USP6: variants seen among roughly 807,000 people sequenced by gnomAD.
USP6 encodes ubiquitin specific peptidase 6.
In USP6, 128 loss-of-function variants were observed where a neutral mutation model predicts 175.7. The ratio of observed to expected loss-of-function variants is 0.73; its 90% CI spans 0.63 to 0.84. The LOEUF (loss-of-function observed/expected upper bound fraction) is 0.84. Among genes scored for constraint, USP6 ranks in the 40% least tolerant of loss-of-function variants. USP6 has a pLI of 0.00. For synonymous variants in USP6, 562 were observed against 630.6 expected (o/e 0.89, Z 1.63); for missense variants, 1,498 against 1,760.3 (o/e 0.85, Z 2.67).
chr17:5,161,409 C>T, intron 31 of USP6, 119 bp from the exon 32 acceptor site: 2 of 982,852 alleles, frequency 2.0e-6, no homozygotes, highest in South Asian at 1.5e-5. Context: ...GAGCTGTCAA[C>T]ATGAGCATAC....
At chr17:5,172,663 C>T (rs187120175) in intron 37 of USP6, 142 bp from the exon 38 acceptor site, 9 of 1,083,320 alleles carry the variant, frequency 8.3e-6, no homozygotes, top group Non-Finnish European at 9.2e-6. Context: ...TTTAAAGGGG[C>T]AGGTGTGAGA....
At chr17:5,130,832 C>G in intron 11 of USP6, 148 bp downstream of exon 11, 4 of 1,200,968 alleles carry the variant, frequency 3.3e-6, no homozygotes, top group Non-Finnish European at 4.8e-6. Flanking sequence ...CTCCCTGGCT[C>G]CCCTGCAGGT....
chr17:5,136,128 A>G (rs1366032340), intron 17 of USP6, among the ~76,000 whole-genome samples, 200 bp downstream of exon 17: 2 of 152,122 alleles, frequency 1.3e-5, no homozygotes, highest in Non-Finnish European at 2.9e-5. Context: ...CATCCCCATC[A>G]GCAGAGGGCA....
Position 5,170,675 on chromosome 17 carries a change from G to C in USP6, c.3714G>C (p.Glu1238Asp), listed in dbSNP as rs1355710013. The change falls in exon 36 of 38, where the codon GAG (glutamate) becomes GAC (aspartate). Residue 1238 changes from glutamate to aspartate, a missense_variant. Physicochemically the swap from Glu to Asp is conservative, Grantham distance 45 (BLOSUM62 2). Transcript: ENST00000574788. ...SKENGAGQIC[E>D]LADALSRGHM... ...AGAATGGGGCTGGGCAGATCTGTGA[G>C]CTGGCTGACGCCTTGAGCCGAGGGC... 8.7e-6 allele frequency: 14 copies of C among 1,613,980 alleles called. No homozygotes were observed. The highest frequency in any genetic ancestry group is 1.1e-5 in the Non-Finnish European group (13 of 1,179,880).
At chr17:5,140,814 G>T (rs2073423840) in intron 22 of USP6, among the ~76,000 whole-genome samples, 1 of 152,158 alleles carries the variant, frequency 6.6e-6, no homozygotes, top group African/African-American at 2.4e-5. Flanking sequence ...ATACACAAGG[G>T]TAGACCTGTG....
At chr17:5,137,872 C>T in intron 20 of USP6, 122 bp downstream of exon 20, 2 of 1,574,070 alleles carry the variant, frequency 1.3e-6, no homozygotes, top group South Asian at 1.1e-5. Context: ...GAGGTCTGGC[C>T]AGGTGGGCTG....
Position 5,125,882 on chromosome 17 carries a change from TCTC to T in USP6, c.-527_-525del, listed in dbSNP as rs2072880884. On this transcript the variant is annotated 5_prime_UTR_variant, in exon 6 of 38. Transcript: ENST00000574788. ...CTTCCGCCTCCTGGGTTCAAGCAAT[TCTC>T]CTGCCTCAGCCTCCCGAGTAGCTGG... 1 of 152,124 alleles carries T rather than the reference TCTC, an allele frequency of 6.6e-6. No individual in the cohort carries two copies. The highest frequency in any genetic ancestry group is 1.5e-5 in the Non-Finnish European group (1 of 68,064). 9.4% of individuals were successfully genotyped at this position (152,124 alleles called of 1,614,324 possible).
At chr17:5,158,007 A>G (rs935230926) in intron 31 of USP6, among the ~76,000 whole-genome samples, 24 of 152,186 alleles carry the variant, frequency 1.6e-4, no homozygotes, top group Non-Finnish European at 3.4e-4. Context: ...GAAGGAGCAG[A>G]TTTTGGCAAG....
At chr17:5,137,352 A>G (rs1279613391) in intron 19 of USP6, among the ~76,000 whole-genome samples, 166 bp downstream of exon 19, 1 of 152,210 alleles carries the variant, frequency 6.6e-6, no homozygotes, top group Non-Finnish European at 1.5e-5. Context: ...ATCCCAGGGC[A>G]ATGGCTGGGA....
intron 4 of USP6, among the ~76,000 whole-genome samples, chr17:5,123,899 A>ACGCG (rs1378554438): frequency 7.0e-6 from 1 of 142,612 alleles, no homozygotes; most frequent in African/African-American, 2.7e-5. Flanking sequence ...GCAAGCACGC[A>ACGCG]CGTGCGCACA....
chr17:5,144,793 G>C lies in USP6; in HGVS notation c.1922G>C (p.Arg641Pro). ...LLDGLHEDLN[R>P]VHEKPYVELK... ...GATGGTCTTCATGAAGATCTCAACC[G>C]AGTCCATGAAAAGCCATATGTGGAA... Residue 641 changes from arginine (R) to proline (P), a missense_variant, in exon 26 of 38, where the codon CGA becomes CCA. This residue lies in a region of USP6 where 1,217 missense variants were observed against 1,500.8 expected (regional missense o/e 0.81). Coordinates refer to ENST00000574788, the MANE Select transcript of USP6 (RefSeq NM_001304284.2). The C allele has an allele frequency of 6.2e-7, 1 of 1,613,618 alleles. No individual in the cohort carries two copies. Among genetic ancestry groups the C allele is most frequent in the Non-Finnish European group, 8.5e-7 (1 of 1,179,698 alleles).
chr17:5,141,609 G>T, intron 23 of USP6, 110 bp downstream of exon 23: 1 of 932,246 alleles, frequency 1.1e-6, no homozygotes, highest in Middle Eastern at 3.3e-4. Context: ...AAAGTAATTA[G>T]GGCCCTTCTT....
chr17:5,138,570 C>T (rs1186127013), intron 21 of USP6, among the ~76,000 whole-genome samples: 1 of 152,104 alleles, frequency 6.6e-6, no homozygotes, highest in Non-Finnish European at 1.5e-5. Context: ...CTCAAAGTTA[C>T]TAGATGAGCC....
chr17:5,130,187 C>T, intron 9 of USP6, 98 bp downstream of exon 9: 1 of 609,474 alleles, frequency 1.6e-6, no homozygotes, highest in African/African-American at 1.8e-5. Context: ...CTGCTTGGGG[C>T]TTCAGACTGC....
chr17:5,155,070 A>G (rs1220710266), intron 30 of USP6, among the ~76,000 whole-genome samples: 1 of 152,198 alleles, frequency 6.6e-6, no homozygotes, highest in Non-Finnish European at 1.5e-5. Context: ...AAAGAGTCTC[A>G]ATTGTTTAAA....
chr17:5,174,569 CT>C lies in USP6; in HGVS notation c.*1594del. 5.2e-6 allele frequency: 1 copy of C among 193,442 alleles called. No individual in the cohort carries two copies. The highest frequency in any genetic ancestry group is 1.1e-5 in the Non-Finnish European group (1 of 92,522). 12.0% of individuals were successfully genotyped at this position (193,442 alleles called of 1,614,324 possible). A position where few individuals can be genotyped will look rare whatever the true frequency, so the allele number is the denominator to read the frequency against. On this transcript the variant is annotated 3_prime_UTR_variant, in exon 38 of 38. Transcript: ENST00000574788. ...GTAATAAAGTCAGACAAAATGCACACTTTATAGTTTCAAGATTTTCAGTAAA... is the reference window on the plus strand; with the variant it reads ...GTAATAAAGTCAGACAAAATGCACACTTATAGTTTCAAGATTTTCAGTAAA...
chr17:5,148,781 T>G lies in USP6; in HGVS notation c.2643+14T>G, dbSNP rs1342843780. ...CACCGAAAAATGGTTAGTTAAATGT[T>G]AGGCAACTCACTGCCAGTCTTGCTA... On this transcript the variant is annotated intron_variant, in intron 30 of 37. Coordinates refer to ENST00000574788, the MANE Select transcript of USP6 (RefSeq NM_001304284.2). The G allele has an allele frequency of 1.2e-6, 2 of 1,609,040 alleles. No homozygotes were observed. The highest frequency in any genetic ancestry group is 1.3e-5 in the African/African-American group (1 of 75,004).
intron 2 of USP6, among the ~76,000 whole-genome samples, chr17:5,118,788 ATCT>A (rs1253831298): frequency 2.0e-5 from 3 of 152,202 alleles, no homozygotes; most frequent in Admixed American, 6.5e-5. Context: ...AGGGCAGGTC[ATCT>A]TCTCCCCAAA....
intron 31 of USP6, among the ~76,000 whole-genome samples, chr17:5,156,702 T>C (rs527710444): frequency 6.6e-6 from 1 of 152,294 alleles, no homozygotes; most frequent in African/African-American, 2.4e-5. Context: ...GTGGGGTCTT[T>C]TGATGATTAG....
Sources: gnomAD v4.1 joint callset for allele counts (sites outside exome capture counted in the v4.1 genomes callset) on GRCh38, gnomAD v4.1.1 for gene constraint, gnomAD v4.1.1 regional missense constraint, MANE v1.5 for transcripts, NCBI Gene and HGNC (gene_info 2026-07-23, HGNC 2026-07-21) for gene names.